Variants in DENND5B observed in about 807,000 individuals in gnomAD.
The protein encoded by DENND5B is DENN domain-containing protein 5B.
DENND5B carries 34 observed loss-of-function variants against 140.6 expected under a neutral mutation model. The ratio of observed to expected loss-of-function variants is 0.24; its 90% CI spans 0.18 to 0.32. DENND5B has a LOEUF of 0.32. Ranked by LOEUF, DENND5B falls within the 10% of genes least tolerant of loss-of-function variation. The pLI, the probability that DENND5B is intolerant of heterozygous loss-of-function variation, is 1.00. For missense variants in DENND5B, 1,142 were observed against 1,560.2 expected, an observed-to-expected ratio of 0.73 and a Z score of 4.52; for synonymous variants, 551 against 562.1, an observed-to-expected ratio of 0.98 and a Z score of 0.28.
chr12:31,590,626 T>A, intron 1 of DENND5B, 80 bp downstream of exon 1: 1 of 1,362,800 alleles, frequency 7.3e-7, no homozygotes, highest in Admixed American at 3.6e-5. Context: ...GTCTGGAGCC[T>A]GCACCCCGCC....
chr12:31,520,383 C>CT (rs577837278), intron 1 of DENND5B, among the ~76,000 whole-genome samples: 30 of 152,132 alleles, frequency 2.0e-4, no homozygotes, highest in Non-Finnish European at 4.1e-4. Flanking sequence ...AATGAAACAG[C>CT]TGTTAATCAT....
rs547389651 is a variant in DENND5B, at chr12:31,523,219, T to C, written c.128-27300A>G. Among the ~76,000 whole-genome samples the C allele has an allele frequency of 1.1e-4, 16 of 152,172 alleles. No homozygotes were observed. In the East Asian group the frequency reaches 2.9e-3, roughly 28 times the overall value. On this transcript the variant is annotated intron_variant, in intron 1 of 20. Coordinates refer to ENST00000389082, the MANE Select transcript of DENND5B (RefSeq NM_144973.4). ...GATTACCGGCATGCACCACCACACC[T>C]GCCTGGCTAATTTTTGTATTTTTAG... is the stretch of plus-strand genomic sequence containing the variant.
At chr12:31,577,923 G>A (rs1158874678) in intron 1 of DENND5B, among the ~76,000 whole-genome samples, 3 of 151,404 alleles carry the variant, frequency 2.0e-5, no homozygotes, top group East Asian at 1.9e-4. Flanking sequence ...TCTGGAGTTC[G>A]AGACCAGCTT....
At chr12:31,388,797 CATA>C (rs921382226) in intron 20 of DENND5B, among the ~76,000 whole-genome samples, 2 of 152,204 alleles carry the variant, frequency 1.3e-5, no homozygotes, top group Admixed American at 6.5e-5. Context: ...GCAAGAATCC[CATA>C]ATGTTATTAA....
At chr12:31,476,589 C>T (rs1345126319) in intron 3 of DENND5B, among the ~76,000 whole-genome samples, 5 of 152,002 alleles carry the variant, frequency 3.3e-5, no homozygotes, top group Admixed American at 1.3e-4. Context: ...ACAGAGTAGA[C>T]ATTTGAACCC....
intron 1 of DENND5B, among the ~76,000 whole-genome samples, chr12:31,565,653 C>T (rs747701776): frequency 1.6e-4 from 24 of 152,122 alleles, no homozygotes; most frequent in Non-Finnish European, 2.4e-4. Context: ...AAGGTGGGCT[C>T]TTTTACACAT....
At position 31,574,295 on chromosome 12, in the gene DENND5B, A is replaced by AATAATAATAATAATAATAATTATT. The variant is rs374578025; in HGVS notation, c.127+16410_127+16411insAATAATTATTATTATTATTATTAT. On this transcript the variant is annotated intron_variant, in intron 1 of 20. Coordinates refer to ENST00000389082, the MANE Select transcript of DENND5B (RefSeq NM_144973.4). ...TAATAATAATAATAATAATAATAAT[A>AATAATAATAATAATAATAATTATT]ATTTAAAAGGGAGGTGGCCAGGCGC... Among the ~76,000 whole-genome samples the AATAATAATAATAATAATAATTATT allele has an allele frequency of 3.5e-4, 50 of 144,594 alleles. 1 individual carries two copies. Among genetic ancestry groups the AATAATAATAATAATAATAATTATT allele is most frequent in the East Asian group, 1.2e-3 (6 of 4,848 alleles). 94.9% of individuals were successfully genotyped at this position (144,594 alleles called of 152,430 possible). A position where few individuals can be genotyped will look rare whatever the true frequency, so the allele number is the denominator to read the frequency against.
At chr12:31,568,253 A>G (rs1949699319) in intron 1 of DENND5B, among the ~76,000 whole-genome samples, 1 of 152,236 alleles carries the variant, frequency 6.6e-6, no homozygotes, top group Non-Finnish European at 1.5e-5. Flanking sequence ...AGTGAATTTC[A>G]TGTTTAGACT....
intron 4 of DENND5B, among the ~76,000 whole-genome samples, chr12:31,453,046 A>C (rs1279171761): frequency 6.6e-6 from 1 of 152,154 alleles, no homozygotes; most frequent in Non-Finnish European, 1.5e-5. Context: ...ATCACCAAAA[A>C]CCAGCAGCTG....
intron 5 of DENND5B, among the ~76,000 whole-genome samples, chr12:31,449,997 T>C (rs1310133189): frequency 3.9e-5 from 6 of 152,136 alleles, no homozygotes; most frequent in Admixed American, 6.5e-5. Flanking sequence ...TCCCAAAGTG[T>C]TGGGATTACA....
At chr12:31,461,684 T>C (rs1852366425) in intron 3 of DENND5B, among the ~76,000 whole-genome samples, 1 of 152,230 alleles carries the variant, frequency 6.6e-6, no homozygotes, top group African/African-American at 2.4e-5. Flanking sequence ...ATAGGGTCAC[T>C]TTGGTTCAGG....
chr12:31,503,225 CA>C (rs1285094502), intron 1 of DENND5B, among the ~76,000 whole-genome samples: 1 of 152,080 alleles, frequency 6.6e-6, no homozygotes, highest in African/African-American at 2.4e-5. Context: ...CACTATGACA[CA>C]AAAATCTCCC....
chr12:31,556,033 G>A (rs896624142), intron 1 of DENND5B, among the ~76,000 whole-genome samples: 5 of 152,138 alleles, frequency 3.3e-5, no homozygotes, highest in Admixed American at 6.5e-5. Flanking sequence ...GCCCTGCTTC[G>A]GCTTGCGCGT....
At chr12:31,529,199 G>A (rs2139068065) in intron 1 of DENND5B, among the ~76,000 whole-genome samples, 1 of 151,454 alleles carries the variant, frequency 6.6e-6, no homozygotes, top group East Asian at 1.9e-4. Context: ...AAGGCATGAG[G>A]TATTGGATGA....
intron 4 of DENND5B, among the ~76,000 whole-genome samples, chr12:31,458,142 C>T (rs1316003283): frequency 6.6e-6 from 1 of 152,200 alleles, no homozygotes; most frequent in African/African-American, 2.4e-5. Context: ...ACAGACATTA[C>T]TGTAGGAGCT....
At chr12:31,455,250 C>T (rs1351314107) in intron 4 of DENND5B, among the ~76,000 whole-genome samples, 1 of 152,116 alleles carries the variant, frequency 6.6e-6, no homozygotes. Flanking sequence ...TTTTCTATCC[C>T]TCTCCTCCTC....
chr12:31,387,777 C>T lies in DENND5B; in HGVS notation c.3651G>A (p.Leu1217=). The T allele has an allele frequency of 6.2e-7, 1 of 1,613,352 alleles. No homozygotes were observed. Among genetic ancestry groups the T allele is most frequent in the Middle Eastern group, 1.7e-4 (1 of 5,812 alleles). Residue 1217 remains leucine, a synonymous_variant, in exon 21 of 21, where the codon CTG becomes CTA. Transcript: ENST00000389082. ...CTAACAATGGAATCCACTGTGGGAG[C>T]AGGCGATCCCTACAGACCCAAACAG... ...ILVCLGTRDR[L]LPQWIPLLAE...
At chr12:31,507,187 T>C (rs1029862618) in intron 1 of DENND5B, among the ~76,000 whole-genome samples, 1 of 152,160 alleles carries the variant, frequency 6.6e-6, no homozygotes, top group Non-Finnish European at 1.5e-5. Context: ...AATTCCTTTT[T>C]TTTTTTTAGA....
intron 7 of DENND5B, among the ~76,000 whole-genome samples, chr12:31,441,309 C>T (rs936302010): frequency 1.3e-5 from 2 of 152,086 alleles, no homozygotes; most frequent in Non-Finnish European, 2.9e-5. Flanking sequence ...CGGGCCACAG[C>T]ACTCCAGCCT....
Sources: gnomAD v4.1 joint callset for allele counts (sites outside exome capture counted in the v4.1 genomes callset) on GRCh38, gnomAD v4.1.1 for gene constraint, MANE v1.5 for transcripts, NCBI Gene and HGNC (gene_info 2026-07-23, HGNC 2026-07-21) for gene names.